The following CLSTN2 variants were observed in gnomAD, a reference collection of about 807,000 sequenced individuals.
The protein encoded by CLSTN2 is calsyntenin 2, also known as calsyntenin-2.
Under a neutral mutation model 101.2 loss-of-function variants are expected in CLSTN2, and 48 were observed. The ratio of observed to expected loss-of-function variants is 0.47; its 90% CI spans 0.38 to 0.60. The LOEUF (loss-of-function observed/expected upper bound fraction) is 0.60, where lower values mean the gene tolerates loss of function less well. Among genes scored for constraint, CLSTN2 ranks in the 20% least tolerant of loss-of-function variants. The pLI is 0.00. For synonymous variants in CLSTN2, 481 were observed against 463.6 expected, an observed-to-expected ratio of 1.04 and a Z score of -0.48; for missense variants, 1,160 against 1,238.2, an observed-to-expected ratio of 0.94 and a Z score of 0.95.
At chr3:140,471,573 C>T (rs894325255) in intron 8 of CLSTN2, among the ~76,000 whole-genome samples, 4 of 152,182 alleles carry the variant, frequency 2.6e-5, no homozygotes, top group African/African-American at 9.7e-5. Flanking sequence ...CAACACAACT[C>T]CACCCTGGGG....
chr3:140,154,745 C>T (rs544880110), intron 1 of CLSTN2, among the ~76,000 whole-genome samples: 11 of 148,258 alleles, frequency 7.4e-5, no homozygotes, highest in South Asian at 6.6e-4. Flanking sequence ...CCCGGGTTCA[C>T]GCCATTCTCC....
chr3:140,327,161 C>T (rs1208881158), intron 2 of CLSTN2, among the ~76,000 whole-genome samples: 6 of 152,170 alleles, frequency 3.9e-5, no homozygotes, highest in East Asian at 1.9e-4. Flanking sequence ...TATACACATG[C>T]GCTGAATGAG....
intron 2 of CLSTN2, among the ~76,000 whole-genome samples, chr3:140,255,488 G>A (rs1183529144): frequency 6.6e-6 from 1 of 152,096 alleles, no homozygotes; most frequent in Non-Finnish European, 1.5e-5. Flanking sequence ...GACAAATCAT[G>A]TCCTTAACAT....
intron 1 of CLSTN2, among the ~76,000 whole-genome samples, chr3:140,157,113 T>C (rs541977817): frequency 6.6e-6 from 1 of 152,318 alleles, no homozygotes; most frequent in Non-Finnish European, 1.5e-5. Context: ...TGCTCAGAAC[T>C]ATTCAATCTT....
At chr3:140,488,634 C>G in intron 8 of CLSTN2, among the ~76,000 whole-genome samples, 1 of 127,146 alleles carries the variant, frequency 7.9e-6, no homozygotes, top group Non-Finnish European at 1.6e-5. Context: ...GCATTTAATA[C>G]GTGCTTTTTT....
intron 8 of CLSTN2, among the ~76,000 whole-genome samples, chr3:140,517,536 T>C (rs548054443): frequency 1.3e-4 from 20 of 152,174 alleles, no homozygotes; most frequent in Non-Finnish European, 2.6e-4. Context: ...CTTTCCCCCT[T>C]CCCCTAGGGA....
At chr3:140,209,912 A>C (rs540372466) in intron 2 of CLSTN2, among the ~76,000 whole-genome samples, 3 of 152,320 alleles carry the variant, frequency 2.0e-5, no homozygotes, top group African/African-American at 7.2e-5. Context: ...CTAAGGACTT[A>C]CAGGGCTGCA....
At chr3:140,416,980 A>G (rs2088438654) in intron 4 of CLSTN2, among the ~76,000 whole-genome samples, 1 of 152,220 alleles carries the variant, frequency 6.6e-6, no homozygotes, top group Non-Finnish European at 1.5e-5. Flanking sequence ...TCCCATATGA[A>G]TGGAAAAGTG....
rs370601885 is a variant in CLSTN2 at position 140,103,443 on chromosome 3, C to T, written c.110-72508C>T. ...ACCACAATTTTCTGTCAACCTCCCA[C>T]GACTGCCATAGTGCCTCCAATTCCA... On this transcript the variant is annotated intron_variant, in intron 1 of 16. Transcript: ENST00000458420. 1.1e-4 allele frequency among the ~76,000 whole-genome samples: 16 copies of T among 152,322 alleles called. No homozygotes were observed. In the South Asian group the frequency reaches 1.5e-3, roughly 14 times the overall value.
At chr3:140,122,366 T>C (rs1325539976) in intron 1 of CLSTN2, among the ~76,000 whole-genome samples, 1 of 152,126 alleles carries the variant, frequency 6.6e-6, no homozygotes, top group East Asian at 1.9e-4. Context: ...TGGATAGATG[T>C]GAGGAGAAGA....
intron 1 of CLSTN2, among the ~76,000 whole-genome samples, chr3:140,113,112 G>T (rs2009182425): frequency 2.0e-5 from 3 of 152,116 alleles, no homozygotes; most frequent in Admixed American, 1.3e-4. Flanking sequence ...AACTGTTAGT[G>T]GCTTGAAATT....
At chr3:140,546,765 G>A in intron 10 of CLSTN2, 84 bp downstream of exon 10, 1 of 1,249,804 alleles carries the variant, frequency 8.0e-7, no homozygotes. Context: ...GCCAGGAAAT[G>A]GAGCTTCCTG....
chr3:140,320,362 A>G (rs1284118858), intron 2 of CLSTN2, among the ~76,000 whole-genome samples: 1 of 152,156 alleles, frequency 6.6e-6, no homozygotes, highest in African/African-American at 2.4e-5. Flanking sequence ...TTAAAAAGGA[A>G]AGTAACAACC....
chr3:139,958,959 T>G (rs1935455085), intron 1 of CLSTN2, among the ~76,000 whole-genome samples: 1 of 151,406 alleles, frequency 6.6e-6, no homozygotes, highest in Admixed American at 6.6e-5. Context: ...CTCTGTAAGG[T>G]GGGAAACTAC....
chr3:140,155,377 G>A (rs1318491351), intron 1 of CLSTN2, among the ~76,000 whole-genome samples: 1 of 152,156 alleles, frequency 6.6e-6, no homozygotes, highest in Non-Finnish European at 1.5e-5. Context: ...TACATCCTAG[G>A]GTATTGGCTT....
intron 1 of CLSTN2, among the ~76,000 whole-genome samples, chr3:140,003,608 A>G (rs2006892254): frequency 1.3e-5 from 2 of 152,136 alleles, no homozygotes; most frequent in African/African-American, 4.8e-5. Context: ...GTCATGTTCC[A>G]GATCTTAGAG....
At chr3:140,404,814 C>G (rs372597527) in intron 4 of CLSTN2, 48 bp downstream of exon 4, 3 of 1,496,690 alleles carry the variant, frequency 2.0e-6, no homozygotes, top group Non-Finnish European at 2.8e-6. Context: ...ACAAATCCAT[C>G]GCCTCCACTC....
intron 1 of CLSTN2, among the ~76,000 whole-genome samples, chr3:140,011,036 C>T (rs1390439402): frequency 6.6e-6 from 1 of 152,158 alleles, no homozygotes; most frequent in African/African-American, 2.4e-5. Flanking sequence ...CTCCCAACCA[C>T]CTGCAAAGGG....
chr3:140,292,904 A>G (rs944842686), intron 2 of CLSTN2, among the ~76,000 whole-genome samples: 3 of 152,188 alleles, frequency 2.0e-5, no homozygotes, highest in African/African-American at 7.2e-5. Context: ...TTATGAAGAC[A>G]ATGAGGCTGA....
Sources: gnomAD v4.1 joint callset for allele counts (sites outside exome capture counted in the v4.1 genomes callset) on GRCh38, gnomAD v4.1.1 for gene constraint, MANE v1.5 for transcripts, NCBI Gene and HGNC (gene_info 2026-07-23, HGNC 2026-07-21) for gene names.